The following SPTLC2 variants were observed in gnomAD, a reference collection of about 807,000 sequenced individuals.
The protein encoded by SPTLC2 is serine palmitoyltransferase 2.
SPTLC2 carries 21 observed loss-of-function variants against 62.0 expected under a neutral mutation model. That is an observed-to-expected ratio of 0.34 (90% confidence interval 0.24 to 0.49). The LOEUF (loss-of-function observed/expected upper bound fraction) is 0.49. Among genes scored for constraint, SPTLC2 ranks in the 20% least tolerant of loss-of-function variants. The pLI, the probability that SPTLC2 is intolerant of heterozygous loss-of-function variation, is 0.99. For synonymous variants in SPTLC2, 261 were observed against 261.8 expected (o/e 1.00, Z 0.03); for missense variants, 511 against 713.0 (o/e 0.72, Z 3.23).
At chr14:77,610,422 G>A (rs558794921) in intron 1 of SPTLC2, among the ~76,000 whole-genome samples, 7 of 152,160 alleles carry the variant, frequency 4.6e-5, no homozygotes, top group Non-Finnish European at 4.4e-5. Flanking sequence ...GATTACAGGC[G>A]TGAGCCACGG....
chr14:77,568,686 T>C (rs1188672494), intron 5 of SPTLC2, among the ~76,000 whole-genome samples: 1 of 151,706 alleles, frequency 6.6e-6, no homozygotes, highest in Non-Finnish European at 1.5e-5. Context: ...TGGGCGCCTG[T>C]AGTCCCAGCT....
At chr14:77,608,093 A>G (rs1284392373) in intron 1 of SPTLC2, among the ~76,000 whole-genome samples, 3 of 152,192 alleles carry the variant, frequency 2.0e-5, no homozygotes, top group Non-Finnish European at 4.4e-5. Flanking sequence ...CACTGGCCCC[A>G]CTGCCCTGTA....
intron 9 of SPTLC2, among the ~76,000 whole-genome samples, chr14:77,528,600 CAAAT>C (rs1264783916): frequency 6.6e-6 from 1 of 152,014 alleles, no homozygotes; most frequent in East Asian, 1.9e-4. Context: ...CAGGGTCCCT[CAAAT>C]AGATAGCTCC....
intron 1 of SPTLC2, among the ~76,000 whole-genome samples, chr14:77,600,407 A>G (rs1208547860): frequency 6.6e-6 from 1 of 152,196 alleles, no homozygotes; most frequent in Non-Finnish European, 1.5e-5. Flanking sequence ...GAGCCTCTCC[A>G]AGGTGAAAAG....
intron 1 of SPTLC2, among the ~76,000 whole-genome samples, chr14:77,613,986 A>C (rs950054004): frequency 7.2e-5 from 11 of 152,366 alleles, no homozygotes; most frequent in Middle Eastern, 3.4e-3. Context: ...TCCAGATCTG[A>C]AGTCTGTATT....
intron 11 of SPTLC2, among the ~76,000 whole-genome samples, chr14:77,513,043 T>G (rs1355648583): frequency 7.2e-6 from 1 of 139,168 alleles, no homozygotes; most frequent in African/African-American, 2.8e-5. Context: ...TTTTTTTTTT[T>G]GAGACAGAGT....
chr14:77,591,550 G>A (rs537466692), intron 2 of SPTLC2, among the ~76,000 whole-genome samples: 2 of 152,128 alleles, frequency 1.3e-5, no homozygotes, highest in Non-Finnish European at 2.9e-5. Context: ...GAAATACAGT[G>A]CTCTTTATTT....
chr14:77,580,871 GAAAGA>G (rs994103480), intron 2 of SPTLC2, among the ~76,000 whole-genome samples: 2 of 152,168 alleles, frequency 1.3e-5, no homozygotes, highest in Admixed American at 1.3e-4. Context: ...TTTTTAAAAA[GAAAGA>G]AAAGAAAATA....
intron 2 of SPTLC2, among the ~76,000 whole-genome samples, chr14:77,591,885 C>G (rs1053795408): frequency 3.3e-5 from 5 of 151,860 alleles, no homozygotes; most frequent in Admixed American, 1.3e-4. Context: ...CACCACGCCC[C>G]AGATAATTCT....
intron 6 of SPTLC2, 83 bp from the exon 7 acceptor site, chr14:77,557,229 T>C: frequency 8.0e-7 from 1 of 1,252,920 alleles, no homozygotes; most frequent in Non-Finnish European, 1.1e-6. Flanking sequence ...ATATTTCTCA[T>C]TCAGAAACCA....
At chr14:77,555,915 G>T (rs904424324) in intron 7 of SPTLC2, among the ~76,000 whole-genome samples, 1 of 151,860 alleles carries the variant, frequency 6.6e-6, no homozygotes. Flanking sequence ...CACCCTGCCC[G>T]GCTGAGTTTA....
At chr14:77,595,682 A>C (rs1475026724) in intron 2 of SPTLC2, among the ~76,000 whole-genome samples, 1 of 151,790 alleles carries the variant, frequency 6.6e-6, no homozygotes, top group African/African-American at 2.4e-5. Context: ...TTCGTGATAT[A>C]CTCTTCCCAT....
chr14:77,559,051 G>A (rs1361570925), intron 6 of SPTLC2, among the ~76,000 whole-genome samples: 1 of 152,194 alleles, frequency 6.6e-6, no homozygotes, highest in Non-Finnish European at 1.5e-5. Flanking sequence ...CAGGTGTGGT[G>A]GCTCACGCCT....
chr14:77,556,005 T>A (rs2079581382), intron 7 of SPTLC2, among the ~76,000 whole-genome samples: 3 of 152,018 alleles, frequency 2.0e-5, no homozygotes, highest in Admixed American at 6.6e-5. Context: ...GGCAAAAGAC[T>A]AGGGGAAAGA....
chr14:77,529,620 C>CTTTCTTTTTTTTTT lies in SPTLC2; in HGVS notation c.1304-8040_1304-8039insAAAAAAAAAAGAAA, dbSNP rs1555373703. 1.6e-3 allele frequency among the ~76,000 whole-genome samples: 118 copies of CTTTCTTTTTTTTTT among 76,054 alleles called. 4 individuals are homozygous for CTTTCTTTTTTTTTT. Among genetic ancestry groups the CTTTCTTTTTTTTTT allele is most frequent in the Middle Eastern group, 7.5e-3 (1 of 134 alleles). The allele number at this position is 76,054 out of a possible 152,430, so 49.9% of individuals were successfully genotyped here. On this transcript the variant is annotated intron_variant, in intron 9 of 11. Coordinates refer to ENST00000216484, the MANE Select transcript of SPTLC2 (RefSeq NM_004863.4). ...TTCTAGGAAAGCAATTTCTTTCTTT[C>CTTTCTTTTTTTTTT]TTTTTTTTTTTTTTTTTTTTTTGAG...
chr14:77,607,761 T>C (rs1165628325), intron 1 of SPTLC2, among the ~76,000 whole-genome samples: 1 of 152,142 alleles, frequency 6.6e-6, no homozygotes, highest in Non-Finnish European at 1.5e-5. Context: ...AGAAAATGGG[T>C]TTCTAGGAAA....
At chr14:77,604,913 C>T (rs902508375) in intron 1 of SPTLC2, among the ~76,000 whole-genome samples, 3 of 149,144 alleles carry the variant, frequency 2.0e-5, no homozygotes, top group Non-Finnish European at 4.4e-5. Flanking sequence ...CATGCACACA[C>T]ATGCTAATCT....
chr14:77,552,667 G>A (rs1238324217), intron 8 of SPTLC2, among the ~76,000 whole-genome samples: 1 of 151,978 alleles, frequency 6.6e-6, no homozygotes, highest in Non-Finnish European at 1.5e-5. Flanking sequence ...TCAGCTGTGC[G>A]TGGAGGCGGG....
At chr14:77,530,327 A>AT (rs937166346) in intron 9 of SPTLC2, among the ~76,000 whole-genome samples, 9 of 147,718 alleles carry the variant, frequency 6.1e-5, no homozygotes, top group African/African-American at 1.0e-4. Context: ...AAAAAAAAAA[A>AT]ATATTTATTT....
Sources: allele counts gnomAD v4.1 joint callset (sites outside exome capture counted in the v4.1 genomes callset), GRCh38; gene constraint gnomAD v4.1.1; transcripts MANE v1.5; gene names NCBI Gene and HGNC (gene_info 2026-07-23, HGNC 2026-07-21).